Variants in MECOM observed in about 807,000 individuals in gnomAD.
MECOM encodes histone-lysine N-methyltransferase MECOM.
MECOM carries 13 observed loss-of-function variants against 116.3 expected under a neutral mutation model. That is an observed-to-expected ratio of 0.11 (90% CI 0.07 to 0.18). The LOEUF (loss-of-function observed/expected upper bound fraction) is 0.18, where lower values mean the gene tolerates loss of function less well. MECOM is among the 10% of genes least tolerant of loss of function. MECOM has a pLI of 1.00. For missense variants in MECOM, 1,299 were observed against 1,509.0 expected, an observed-to-expected ratio of 0.86 and a Z score of 2.31; for synonymous variants, 528 against 535.2, an observed-to-expected ratio of 0.99 and a Z score of 0.19.
intron 1 of MECOM, chr3:169,613,936 G>T (rs991040590): frequency 6.6e-6 from 1 of 152,072 alleles, no homozygotes; most frequent in African/African-American, 2.4e-5. Flanking sequence ...ACTAGATAAG[G>T]TGGTCTTATG....
At chr3:169,639,218 T>A (rs934397387) in intron 1 of MECOM, among the ~76,000 whole-genome samples, 1 of 151,944 alleles carries the variant, frequency 6.6e-6, no homozygotes. Flanking sequence ...ATGGCATTAT[T>A]CCAAGCTCCA....
intron 1 of MECOM, among the ~76,000 whole-genome samples, chr3:169,568,961 A>G (rs1319761148): frequency 6.6e-6 from 1 of 152,236 alleles, no homozygotes; most frequent in Non-Finnish European, 1.5e-5. Flanking sequence ...AGCTAGCATC[A>G]TAATGACAGG....
chr3:169,249,816 C>A (rs1330402930), intron 2 of MECOM, among the ~76,000 whole-genome samples: 1 of 152,122 alleles, frequency 6.6e-6, no homozygotes, highest in Non-Finnish European at 1.5e-5. Context: ...TCAGGGGTTA[C>A]TGGTAATGAA....
intron 1 of MECOM, among the ~76,000 whole-genome samples, chr3:169,634,241 A>AACACACACACACAC (rs59934753): frequency 3.4e-5 from 5 of 149,060 alleles, no homozygotes; most frequent in Non-Finnish European, 7.5e-5. Context: ...TGTGTGCACA[A>AACACACACACACAC]ACACACACAC....
At chr3:169,302,977 C>T (rs936375407) in intron 2 of MECOM, among the ~76,000 whole-genome samples, 7 of 152,128 alleles carry the variant, frequency 4.6e-5, no homozygotes, top group African/African-American at 1.7e-4. Flanking sequence ...CTGAGGAGTC[C>T]TCTTTCAGAT....
At chr3:169,319,746 T>C (rs1720522984) in intron 2 of MECOM, among the ~76,000 whole-genome samples, 1 of 152,216 alleles carries the variant, frequency 6.6e-6, no homozygotes, top group Non-Finnish European at 1.5e-5. Flanking sequence ...ATCTCTCTTC[T>C]GCCCTATGTG....
intron 1 of MECOM, among the ~76,000 whole-genome samples, chr3:169,481,664 CTGTG>C (rs5854335): frequency 0.65 from 97,594 of 151,158 alleles, 31,704 homozygotes; most frequent in African/African-American, 0.74. Flanking sequence ...AGTGACAAAT[CTGTG>C]TGTGTGTGTG....
At chr3:169,421,139 G>A (rs1192777126) in intron 1 of MECOM, among the ~76,000 whole-genome samples, 1 of 152,028 alleles carries the variant, frequency 6.6e-6, no homozygotes, top group African/African-American at 2.4e-5. Flanking sequence ...TAAGGGAAAG[G>A]GTTCTATTAT....
intron 2 of MECOM, among the ~76,000 whole-genome samples, chr3:169,249,829 A>T (rs941964126): frequency 6.6e-6 from 1 of 152,228 alleles, no homozygotes; most frequent in Non-Finnish European, 1.5e-5. Context: ...GTAATGAAAC[A>T]ACAGAGAATT....
At chr3:169,226,400 AAG>A (rs1164721529) in intron 2 of MECOM, among the ~76,000 whole-genome samples, 1 of 152,190 alleles carries the variant, frequency 6.6e-6, no homozygotes, top group Non-Finnish European at 1.5e-5. Flanking sequence ...ACTGTATATG[AAG>A]TATTTTATCT....
intron 2 of MECOM, among the ~76,000 whole-genome samples, chr3:169,327,845 G>C (rs991670073): frequency 3.3e-5 from 5 of 152,116 alleles, no homozygotes; most frequent in African/African-American, 1.2e-4. Flanking sequence ...CTGCCTTTGA[G>C]AAGGAGACAT....
Position 169,572,290 on chromosome 3 carries a change from G to T in MECOM, c.37+91046C>A, listed in dbSNP as rs138159506. On this transcript the variant is annotated intron_variant, in intron 1 of 16. Transcript: ENST00000651503. ...GAAATGCAAACCAAAACCACAATGA[G>T]ATACCATCTCATACCAGTTAGAATG... 1.6e-3 allele frequency among the ~76,000 whole-genome samples: 238 copies of T among 152,304 alleles called. 2 individuals carry two copies. In the East Asian group the frequency reaches 0.039, roughly 25 times the overall value.
intron 1 of MECOM, among the ~76,000 whole-genome samples, chr3:169,621,974 A>C (rs1322481192): frequency 6.6e-6 from 1 of 152,200 alleles, no homozygotes; most frequent in Non-Finnish European, 1.5e-5. Flanking sequence ...GAGACAAGAC[A>C]TGAGATAAAA....
chr3:169,274,775 T>C (rs941172707), intron 2 of MECOM, among the ~76,000 whole-genome samples: 7 of 152,314 alleles, frequency 4.6e-5, no homozygotes, highest in Non-Finnish European at 4.4e-5. Context: ...AATAGCTACA[T>C]AGGACTAGCA....
chr3:169,144,953 AATTC>A (rs1239831826), intron 2 of MECOM: 1 of 1,495,660 alleles, frequency 6.7e-7, no homozygotes, highest in African/African-American at 1.4e-5. Flanking sequence ...TTTTGCATAG[AATTC>A]AGGCAATCAC....
In MECOM at chr3:169,116,435, A is replaced by G. The variant is rs536502192; in HGVS notation, c.1437T>C (p.Leu479=). ...AAAATCCAGGAGCTGTTGGAAAGGT[A>G]AGACCAGCAGGATGCCTATTGGCGC... ...YFGANRHPAG[L]TFPTAPGFSF... is the part of the protein sequence containing the mutation. The change falls in exon 8 of 17, where the codon CTT becomes CTC. Residue 479 remains leucine (L), a synonymous_variant. Transcript: ENST00000651503. 6.2e-7 allele frequency: 1 copy of G among 1,614,200 alleles called. No individual in the cohort carries two copies. Among genetic ancestry groups the G allele is most frequent in the East Asian group, 2.2e-5 (1 of 44,864 alleles).
At chr3:169,404,113 T>A (rs1470129330) in intron 1 of MECOM, among the ~76,000 whole-genome samples, 1 of 152,230 alleles carries the variant, frequency 6.6e-6, no homozygotes, top group Non-Finnish European at 1.5e-5. Flanking sequence ...CATATTGCGA[T>A]AAATGCTTTT....
intron 2 of MECOM, among the ~76,000 whole-genome samples, chr3:169,169,394 A>T (rs1334478346): frequency 6.6e-6 from 1 of 152,188 alleles, no homozygotes; most frequent in Non-Finnish European, 1.5e-5. Context: ...GAAATAATCA[A>T]TATGATATGA....
In MECOM at chr3:169,115,422, T is replaced by C. The variant is rs976355522; in HGVS notation, c.2450A>G (p.His817Arg). The C allele has an allele frequency of 3.1e-6, 5 of 1,614,050 alleles. No homozygotes were observed. The highest frequency in any genetic ancestry group is 2.7e-5 in the African/African-American group (2 of 74,938). ...CATAAAGAAAGGAGTGGGTCTTGCA[T>C]GCTGCAAGGAACCATCTGAAGCAGG... Reference protein sequence around the residue: ...SRPASDGSLQHARPTPFFMDP... With the variant: ...SRPASDGSLQRARPTPFFMDP... The change falls in exon 8 of 17, where the codon CAT (histidine) becomes CGT (arginine). Residue 817 changes from histidine (H) to arginine (R), a missense_variant. By Grantham distance (29) the His-to-Arg change is conservative. Coordinates refer to ENST00000651503, the MANE Select transcript of MECOM (RefSeq NM_004991.4).
Sources: allele counts gnomAD v4.1 joint callset (sites outside exome capture counted in the v4.1 genomes callset), GRCh38; gene constraint gnomAD v4.1.1; transcripts MANE v1.5; gene names NCBI Gene and HGNC (gene_info 2026-07-23, HGNC 2026-07-21).